The following OPCML variants were observed in gnomAD, a reference collection of about 807,000 sequenced individuals.
OPCML encodes opioid binding protein/cell adhesion molecule like.
A neutral mutation model predicts 37.8 loss-of-function variants in OPCML; 13 were observed. That is an observed-to-expected ratio of 0.34 (90% confidence interval 0.22 to 0.55). The LOEUF (loss-of-function observed/expected upper bound fraction) is 0.55, where lower values mean the gene tolerates loss of function less well. Among genes scored for constraint, OPCML ranks in the 20% least tolerant of loss-of-function variants. The probability of loss-of-function intolerance (pLI) is 0.91; values close to 1 mark genes in which losing one functional copy is unlikely to be tolerated. For missense variants in OPCML, 341 were observed against 435.6 expected, an observed-to-expected ratio of 0.78 and a Z score of 1.93; for synonymous variants, 176 against 168.8, an observed-to-expected ratio of 1.04 and a Z score of -0.33.
chr11:132,779,698 G>A (rs531587798), intron 2 of OPCML, among the ~76,000 whole-genome samples: 1 of 152,244 alleles, frequency 6.6e-6, no homozygotes, highest in Admixed American at 6.5e-5. Context: ...CTCCCCTGCA[G>A]CAGAATGTTA....
At chr11:132,512,664 C>A (rs1332111727) in intron 4 of OPCML, among the ~76,000 whole-genome samples, 1 of 150,526 alleles carries the variant, frequency 6.6e-6, no homozygotes, top group Non-Finnish European at 1.5e-5. Context: ...ATATATAGTT[C>A]ATATACACAT....
chr11:132,458,210 A>G lies in OPCML; in HGVS notation c.506-20851T>C, dbSNP rs770266171. 1.2e-3 allele frequency among the ~76,000 whole-genome samples: 185 copies of G among 152,320 alleles called. 3 individuals carry two copies. Among genetic ancestry groups the G allele is most frequent in the Non-Finnish European group, 1.7e-3 (118 of 68,022 alleles). ...GCAAAAGATGGACACTACACAATCCATGCATCAAAGAGCATGACGATTCAT... is the reference window on the plus strand; with the variant it reads ...GCAAAAGATGGACACTACACAATCCGTGCATCAAAGAGCATGACGATTCAT... On this transcript the variant is annotated intron_variant, in intron 4 of 7. Transcript: ENST00000524381.
At chr11:132,520,294 C>G (rs779100939) in intron 4 of OPCML, among the ~76,000 whole-genome samples, 1 of 152,158 alleles carries the variant, frequency 6.6e-6, no homozygotes, top group Non-Finnish European at 1.5e-5. Flanking sequence ...ACTTGAAAAT[C>G]AGGAACTAGG....
At chr11:133,460,691 G>T (rs976367415) in intron 1 of OPCML, among the ~76,000 whole-genome samples, 11 of 151,700 alleles carry the variant, frequency 7.3e-5, no homozygotes, top group Non-Finnish European at 1.3e-4. Flanking sequence ...AGATTGAATT[G>T]GTAATCAAAA....
At chr11:132,440,509 C>T (rs1184542260) in intron 4 of OPCML, among the ~76,000 whole-genome samples, 3 of 152,132 alleles carry the variant, frequency 2.0e-5, no homozygotes, top group Non-Finnish European at 4.4e-5. Flanking sequence ...CTCCCACCCA[C>T]ACACGTGAAG....
At chr11:133,440,211 T>C (rs772485699) in intron 1 of OPCML, among the ~76,000 whole-genome samples, 25 of 150,370 alleles carry the variant, frequency 1.7e-4, no homozygotes, top group Non-Finnish European at 2.7e-4. Context: ...CCTGACTAAC[T>C]AATGGCGAAA....
At chr11:133,103,494 G>C (rs1039223896) in intron 1 of OPCML, among the ~76,000 whole-genome samples, 1 of 152,194 alleles carries the variant, frequency 6.6e-6, no homozygotes, top group African/African-American at 2.4e-5. Flanking sequence ...CAAACAACGA[G>C]GGCCAGGCAT....
chr11:132,643,872 T>G (rs576594788), intron 3 of OPCML, among the ~76,000 whole-genome samples: 16 of 152,286 alleles, frequency 1.1e-4, no homozygotes, highest in Non-Finnish European at 1.6e-4. Context: ...ACATATGAAA[T>G]CTACATCCTG....
intron 1 of OPCML, among the ~76,000 whole-genome samples, chr11:133,239,138 C>A (rs1462695318): frequency 1.3e-5 from 2 of 152,330 alleles, no homozygotes; most frequent in Admixed American, 6.5e-5. Context: ...GGGACCCTGA[C>A]AAAGTGCACT....
At chr11:132,555,890 A>G (rs2096394405) in intron 3 of OPCML, among the ~76,000 whole-genome samples, 1 of 152,162 alleles carries the variant, frequency 6.6e-6, no homozygotes. Context: ...CAAAGAGAGT[A>G]TAAAGAACTT....
At chr11:133,281,074 C>T (rs760706791) in intron 1 of OPCML, among the ~76,000 whole-genome samples, 15 of 152,164 alleles carry the variant, frequency 9.9e-5, no homozygotes, top group Non-Finnish European at 1.5e-4. Flanking sequence ...GCTGATCTGT[C>T]CTGCAGACTG....
intron 1 of OPCML, among the ~76,000 whole-genome samples, chr11:133,448,321 C>A (rs139643936): frequency 4.5e-4 from 69 of 152,262 alleles, no homozygotes; most frequent in South Asian, 1.0e-3. Context: ...GCCTTGGTAC[C>A]TTTGTCAAAA....
intron 2 of OPCML, among the ~76,000 whole-genome samples, chr11:132,829,970 A>G (rs1940589760): frequency 6.6e-6 from 1 of 152,180 alleles, no homozygotes; most frequent in South Asian, 2.1e-4. Flanking sequence ...CAGCCCACAC[A>G]TTATAGGCAG....
chr11:133,247,157 A>C (rs1565527757), intron 1 of OPCML, among the ~76,000 whole-genome samples: 1 of 152,238 alleles, frequency 6.6e-6, no homozygotes, highest in Admixed American at 6.5e-5. Context: ...CTCTATAAAC[A>C]TATCACGAAG....
intron 4 of OPCML, among the ~76,000 whole-genome samples, chr11:132,500,999 G>T (rs530227091): frequency 6.6e-6 from 1 of 152,192 alleles, no homozygotes; most frequent in Non-Finnish European, 1.5e-5. Flanking sequence ...ATTGTGAATA[G>T]TGCTGCAATA....
intron 1 of OPCML, among the ~76,000 whole-genome samples, chr11:133,086,759 C>G (rs1948824964): frequency 6.6e-6 from 1 of 152,208 alleles, no homozygotes; most frequent in African/African-American, 2.4e-5. Flanking sequence ...CTCGCAGCCA[C>G]TGGTAACCAC....
intron 3 of OPCML, among the ~76,000 whole-genome samples, chr11:132,563,586 A>T (rs1380344758): frequency 1.3e-5 from 2 of 151,792 alleles, no homozygotes; most frequent in Non-Finnish European, 2.9e-5. Context: ...TGTTCATTTT[A>T]AATTGGTTAA....
chr11:132,447,167 T>G (rs989244201), intron 4 of OPCML, among the ~76,000 whole-genome samples: 1 of 152,242 alleles, frequency 6.6e-6, no homozygotes, highest in Non-Finnish European at 1.5e-5. Context: ...CAACTGCGTC[T>G]GACTTGTTTT....
chr11:133,079,766 G>A (rs1948680454), intron 1 of OPCML, among the ~76,000 whole-genome samples: 1 of 151,934 alleles, frequency 6.6e-6, no homozygotes, highest in Admixed American at 6.6e-5. Context: ...TGTAAGGTGA[G>A]AGGAAGGACC....
Sources: gnomAD v4.1 joint callset for allele counts (sites outside exome capture counted in the v4.1 genomes callset) on GRCh38, gnomAD v4.1.1 for gene constraint, MANE v1.5 for transcripts, NCBI Gene and HGNC (gene_info 2026-07-23, HGNC 2026-07-21) for gene names.